The following MED13 variants were observed in gnomAD, a reference collection of about 807,000 sequenced individuals.
MED13 encodes the protein mediator of RNA polymerase II transcription subunit 13.
MED13 carries 23 observed loss-of-function variants against 225.2 expected under a neutral mutation model. That is an observed-to-expected ratio of 0.10 (90% CI 0.07 to 0.14). The LOEUF is 0.14. MED13 is among the 10% of genes least tolerant of loss of function. MED13 has a pLI of 1.00. For synonymous variants in MED13, 942 were observed against 889.2 expected (o/e 1.06, Z -1.06); for missense variants, 2,197 against 2,594.5 (o/e 0.85, Z 3.33).
At chr17:62,016,021 C>A (rs1347087124) in intron 8 of MED13, among the ~76,000 whole-genome samples, 1 of 110,810 alleles carries the variant, frequency 9.0e-6, no homozygotes, top group Non-Finnish European at 1.8e-5. Flanking sequence ...CCAGGCTGGT[C>A]TCAAACTCCT....
At chr17:61,972,003 A>G (rs1446492621) in intron 17 of MED13, among the ~76,000 whole-genome samples, 2 of 152,310 alleles carry the variant, frequency 1.3e-5, no homozygotes, top group South Asian at 2.1e-4. Context: ...TTTTCACAGA[A>G]TATTAGTTTT....
In MED13 at chr17:62,049,078, C is replaced by CAAAAAAAAAAAAAAAAAAAAA. The variant is rs890393330; in HGVS notation, c.470+3458_470+3459insTTTTTTTTTTTTTTTTTTTTT. Among the ~76,000 whole-genome samples, 28 of 45,290 alleles carry CAAAAAAAAAAAAAAAAAAAAA rather than the reference C, an allele frequency of 6.2e-4. 3 individuals carry two copies. The highest frequency in any genetic ancestry group is 1.5e-3 in the African/African-American group (17 of 11,498). The allele number at this position is 45,290 out of a possible 152,430, so 29.7% of individuals were successfully genotyped here. On this transcript the variant is annotated intron_variant, in intron 3 of 29. Transcript: ENST00000397786. The stretch of plus-strand genomic sequence containing the variant: ...GGCACCACCATAACAGTAAATAAGA[C>CAAAAAAAAAAAAAAAAAAAAA]AAAAAAAAAAAAAAAAAGGAGAAAT...
At chr17:62,023,794 C>T (rs1305129217) in intron 8 of MED13, among the ~76,000 whole-genome samples, 2 of 152,162 alleles carry the variant, frequency 1.3e-5, no homozygotes, top group Non-Finnish European at 2.9e-5. Context: ...TAGTAGCTCA[C>T]TGTCTATCTG....
At chr17:62,015,037 C>T (rs2080549425) in intron 8 of MED13, among the ~76,000 whole-genome samples, 1 of 152,082 alleles carries the variant, frequency 6.6e-6, no homozygotes, top group African/African-American at 2.4e-5. Flanking sequence ...AGGAACTGAC[C>T]TAGTTTTACC....
intron 28 of MED13, among the ~76,000 whole-genome samples, chr17:61,948,096 C>T (rs1414655677): frequency 1.3e-5 from 2 of 152,046 alleles, no homozygotes; most frequent in Admixed American, 6.6e-5. Context: ...GTAATTAGTA[C>T]CAGTACTCTA....
chr17:61,982,931 A>G lies in MED13; in HGVS notation c.3072T>C (p.Ala1024=). Residue 1024 remains alanine (A), a synonymous_variant, in exon 16 of 30, where the codon GCT becomes GCC. Coordinates refer to ENST00000397786, the MANE Select transcript of MED13 (RefSeq NM_005121.3). ...TPRTPRTPRG[A]GGPASAQGSV... is the part of the protein sequence containing the mutation. The stretch of plus-strand genomic sequence containing the variant: ...AACCTTGAGCACTAGCAGGTCCACC[A>G]GCTCCACGAGGAGTCCGAGGAGTCC... 1.2e-6 allele frequency: 2 copies of G among 1,614,198 alleles called. No homozygotes were observed. The highest frequency in any genetic ancestry group is 1.7e-6 in the Non-Finnish European group (2 of 1,180,038).
chr17:62,036,500 T>C (rs1414074827), intron 3 of MED13, among the ~76,000 whole-genome samples: 2 of 152,210 alleles, frequency 1.3e-5, no homozygotes, highest in African/African-American at 2.4e-5. Flanking sequence ...ACTCTTTTTA[T>C]TCCTTCTCCA....
intron 9 of MED13, among the ~76,000 whole-genome samples, chr17:61,998,658 G>T (rs1006008503): frequency 2.1e-5 from 3 of 145,876 alleles, no homozygotes; most frequent in Non-Finnish European, 4.5e-5. Flanking sequence ...GGAATGCAGT[G>T]GTGCGGTCTC....
At chr17:61,990,880 T>G (rs1314759012) in intron 11 of MED13, among the ~76,000 whole-genome samples, 2 of 151,974 alleles carry the variant, frequency 1.3e-5, no homozygotes, top group Non-Finnish European at 2.9e-5. Flanking sequence ...GCTAACTAAG[T>G]ATTTGTTGAA....
At chr17:61,950,375 A>G (rs1439763192) in intron 28 of MED13, among the ~76,000 whole-genome samples, 1 of 152,136 alleles carries the variant, frequency 6.6e-6, no homozygotes, top group Non-Finnish European at 1.5e-5. Flanking sequence ...TATAAATTTA[A>G]AAACTAGTTG....
intron 2 of MED13, among the ~76,000 whole-genome samples, chr17:62,056,226 A>G (rs1370566572): frequency 1.3e-5 from 2 of 151,906 alleles, no homozygotes; most frequent in South Asian, 2.1e-4. Flanking sequence ...TGACAATCTA[A>G]TAACTGTAAT....
intron 3 of MED13, among the ~76,000 whole-genome samples, chr17:62,043,121 A>G (rs2080867607): frequency 1.6e-5 from 2 of 128,060 alleles, no homozygotes; most frequent in African/African-American, 5.8e-5. Context: ...ACACCACTGT[A>G]CTCTGGCCTA....
rs2081003664 is a variant in MED13 at position 62,057,365 on chromosome 17, G to T, written c.302-4660C>A. 2.0e-5 allele frequency among the ~76,000 whole-genome samples: 3 copies of T among 152,150 alleles called. 1 individual carries two copies. The South Asian group carries it at 6.2e-4, about 32-fold the overall frequency. ...TGAAAACTGATTTAAAAACAGCCTA[G>T]TATGTTATGTTTGGCTTGAAAACTT... On this transcript the variant is annotated intron_variant, in intron 2 of 29. Coordinates refer to ENST00000397786, the MANE Select transcript of MED13 (RefSeq NM_005121.3).
At chr17:62,021,805 C>T (rs1315307962) in intron 8 of MED13, among the ~76,000 whole-genome samples, 2 of 152,128 alleles carry the variant, frequency 1.3e-5, no homozygotes, top group African/African-American at 4.8e-5. Flanking sequence ...TCGCCTACAA[C>T]TCTTTATCAC....
At chr17:62,007,247 A>G (rs1457606845) in intron 9 of MED13, 1 of 152,084 alleles carries the variant, frequency 6.6e-6, no homozygotes, top group African/African-American at 2.4e-5. Flanking sequence ...TCTCAAAAAC[A>G]AAAAAACAAA....
chr17:62,001,582 C>T (rs1251331257), intron 9 of MED13, among the ~76,000 whole-genome samples: 3 of 152,044 alleles, frequency 2.0e-5, no homozygotes, highest in African/African-American at 7.3e-5. Context: ...TTCTATAGTC[C>T]TACGCTTTTC....
chr17:61,970,481 G>T (rs985009845), intron 17 of MED13, among the ~76,000 whole-genome samples: 1 of 152,008 alleles, frequency 6.6e-6, no homozygotes, highest in Non-Finnish European at 1.5e-5. Flanking sequence ...AGCAGTTCAA[G>T]AACAGACTGG....
At chr17:61,981,878 G>A (rs1406138101) in intron 16 of MED13, among the ~76,000 whole-genome samples, 1 of 152,194 alleles carries the variant, frequency 6.6e-6, no homozygotes, top group Admixed American at 6.5e-5. Flanking sequence ...CACATACAAG[G>A]TGCCCAGTAA....
At chr17:62,019,251 A>G (rs1006626366) in intron 8 of MED13, among the ~76,000 whole-genome samples, 4 of 152,200 alleles carry the variant, frequency 2.6e-5, no homozygotes, top group Non-Finnish European at 5.9e-5. Flanking sequence ...GACTTGCACA[A>G]CTGTAAAACA....
Sources: allele counts gnomAD v4.1 joint callset (sites outside exome capture counted in the v4.1 genomes callset), GRCh38; gene constraint gnomAD v4.1.1; transcripts MANE v1.5; gene names NCBI Gene and HGNC (gene_info 2026-07-23, HGNC 2026-07-21).